Variants in PTPRT observed in about 807,000 individuals in gnomAD.
PTPRT encodes protein tyrosine phosphatase receptor type T.
In PTPRT, 56 loss-of-function variants were observed where a neutral mutation model predicts 176.8. The observed-to-expected ratio is 0.32, with a 90% CI of 0.26 to 0.40. PTPRT has a LOEUF of 0.40. Among genes scored for constraint, PTPRT ranks in the 10% least tolerant of loss-of-function variants. PTPRT has a pLI of 1.00. For synonymous variants in PTPRT, 783 were observed against 739.0 expected, an observed-to-expected ratio of 1.06 and a Z score of -0.96; for missense variants, 1,540 against 1,908.2, an observed-to-expected ratio of 0.81 and a Z score of 3.60.
In PTPRT at chr20:43,022,529, A is replaced by G. The variant is rs1194744973; in HGVS notation, c.89-136597T>C. On this transcript the variant is annotated intron_variant, in intron 1 of 30. Transcript: ENST00000373187. ...CAAAGATCATCTAAGGTGATGGTAC[A>G]CCAGTAACCTAAGAAGTAAAAGAGT... Among the ~76,000 whole-genome samples, 3 of 152,210 alleles carry G rather than the reference A, an allele frequency of 2.0e-5. No homozygotes were observed. The East Asian group carries it at 5.8e-4, about 29-fold the overall frequency.
chr20:43,156,297 G>T (rs1380864978), intron 1 of PTPRT, among the ~76,000 whole-genome samples: 1 of 152,226 alleles, frequency 6.6e-6, no homozygotes, highest in East Asian at 1.9e-4. Flanking sequence ...TACAGCATCA[G>T]AGGGGCCTTA....
chr20:42,127,030 A>G (rs567608097), intron 19 of PTPRT, among the ~76,000 whole-genome samples: 2 of 152,220 alleles, frequency 1.3e-5, no homozygotes, highest in African/African-American at 4.8e-5. Flanking sequence ...AAACCAGTCT[A>G]TGTGTTTCAG....
chr20:43,150,446 C>T (rs2014313996), intron 1 of PTPRT, among the ~76,000 whole-genome samples: 1 of 152,056 alleles, frequency 6.6e-6, no homozygotes, highest in African/African-American at 2.4e-5. Context: ...TCACGACTTC[C>T]ACAGGGTCTT....
At chr20:43,027,257 C>T (rs1307534437) in intron 1 of PTPRT, among the ~76,000 whole-genome samples, 2 of 152,078 alleles carry the variant, frequency 1.3e-5, no homozygotes, top group African/African-American at 4.8e-5. Context: ...GTGGGCAGAT[C>T]ATGAGGTCAG....
intron 2 of PTPRT, among the ~76,000 whole-genome samples, chr20:42,818,165 C>G (rs2077823366): frequency 6.6e-6 from 1 of 152,136 alleles, no homozygotes. Context: ...GAAGAACGAG[C>G]AGGCACCCAT....
At chr20:42,106,982 C>A (rs948350766) in intron 23 of PTPRT, 61 bp from the exon 24 acceptor site, 2 of 1,579,342 alleles carry the variant, frequency 1.3e-6, no homozygotes, top group Non-Finnish European at 1.7e-6. Context: ...CCTGGGGAGG[C>A]CCCTAGCATT....
chr20:42,494,038 A>C (rs1241522172), intron 7 of PTPRT, among the ~76,000 whole-genome samples: 1 of 152,146 alleles, frequency 6.6e-6, no homozygotes, highest in Non-Finnish European at 1.5e-5. Flanking sequence ...AACTTATAGT[A>C]TATTTTAAAT....
intron 15 of PTPRT, among the ~76,000 whole-genome samples, chr20:42,229,484 A>C (rs1368843761): frequency 6.6e-6 from 1 of 152,228 alleles, no homozygotes; most frequent in Non-Finnish European, 1.5e-5. Flanking sequence ...AATTACATTA[A>C]ATAACTTTTG....
At chr20:42,345,560 A>G (rs868152878) in intron 11 of PTPRT, among the ~76,000 whole-genome samples, 1 of 128,374 alleles carries the variant, frequency 7.8e-6, no homozygotes, top group Non-Finnish European at 1.6e-5. Flanking sequence ...ACACACACAC[A>G]CATATATATA....
chr20:43,000,254 C>T (rs369406348), intron 1 of PTPRT, among the ~76,000 whole-genome samples: 1 of 151,692 alleles, frequency 6.6e-6, no homozygotes, highest in South Asian at 2.1e-4. Flanking sequence ...TTCGATGGTG[C>T]CAAGGAAAAC....
rs150334945 is a variant in PTPRT at position 43,080,465 on chromosome 20, C to T, written c.88+109181G>A. Among the ~76,000 whole-genome samples the T allele has an allele frequency of 6.6e-5, 10 of 152,280 alleles. No homozygotes were observed. The East Asian group carries it at 1.7e-3, about 26-fold the overall frequency. On this transcript the variant is annotated intron_variant, in intron 1 of 30. Transcript: ENST00000373187. The stretch of plus-strand genomic sequence containing the variant: ...CAACCTATTTTTATTTTTCTCTGGG[C>T]TTTTGTCATAATAGCTGCCTTTACT...
rs58077183 is a variant in PTPRT, at chr20:42,344,360, G to T, written c.1865+6268C>A. Among the ~76,000 whole-genome samples the T allele has an allele frequency of 4.9e-3, 739 of 152,306 alleles. 6 individuals carry two copies. The highest frequency in any genetic ancestry group is 0.017 in the African/African-American group (703 of 41,572). Reference sequence around the variant, plus strand: ...TCCAGTATACCCAGTGGGACAATTGGATAAGACTGGTCTGATTTTAGGAGC... The same window carrying T: ...TCCAGTATACCCAGTGGGACAATTGTATAAGACTGGTCTGATTTTAGGAGC... On this transcript the variant is annotated intron_variant, in intron 11 of 30. Transcript: ENST00000373187.
At chr20:42,359,509 G>C (rs552440904) in intron 9 of PTPRT, among the ~76,000 whole-genome samples, 1 of 152,328 alleles carries the variant, frequency 6.6e-6, no homozygotes, top group Non-Finnish European at 1.5e-5. Flanking sequence ...TTCCAATGCT[G>C]TTAACATTCA....
At chr20:42,854,068 C>A (rs1412804751) in intron 2 of PTPRT, among the ~76,000 whole-genome samples, 1 of 152,170 alleles carries the variant, frequency 6.6e-6, no homozygotes, top group Non-Finnish European at 1.5e-5. Context: ...GGGAGACCTG[C>A]AGTACCATTA....
chr20:43,130,546 G>C (rs1051369162), intron 1 of PTPRT, among the ~76,000 whole-genome samples: 1 of 151,934 alleles, frequency 6.6e-6, no homozygotes, highest in Non-Finnish European at 1.5e-5. Flanking sequence ...CTTCTGAATA[G>C]ATTCAATCCT....
chr20:43,148,258 C>T (rs140808160), intron 1 of PTPRT, among the ~76,000 whole-genome samples: 83 of 152,276 alleles, frequency 5.5e-4, no homozygotes, highest in African/African-American at 1.8e-3. Flanking sequence ...TGTCCTAGCA[C>T]ATTTGTCACT....
At chr20:42,576,633 C>T (rs1197545802) in intron 7 of PTPRT, among the ~76,000 whole-genome samples, 1 of 152,036 alleles carries the variant, frequency 6.6e-6, no homozygotes, top group Non-Finnish European at 1.5e-5. Flanking sequence ...AGTTTTCTGA[C>T]CCAGGAGTTA....
At chr20:42,597,610 C>T (rs1463828805) in intron 7 of PTPRT, among the ~76,000 whole-genome samples, 1 of 152,176 alleles carries the variant, frequency 6.6e-6, no homozygotes, top group African/African-American at 2.4e-5. Context: ...CCTGCTCTGG[C>T]CATGTAAGAT....
intron 16 of PTPRT, among the ~76,000 whole-genome samples, chr20:42,166,256 C>A (rs1316444384): frequency 6.6e-6 from 1 of 152,184 alleles, no homozygotes; most frequent in East Asian, 1.9e-4. Context: ...TGTAAAACAG[C>A]TCTCACCCAG....
Sources: allele counts gnomAD v4.1 joint callset (sites outside exome capture counted in the v4.1 genomes callset), GRCh38; gene constraint gnomAD v4.1.1; transcripts MANE v1.5; gene names NCBI Gene and HGNC (gene_info 2026-07-23, HGNC 2026-07-21).